CCDC85C: variants seen among roughly 807,000 people sequenced by gnomAD.
CCDC85C encodes coiled-coil domain-containing protein 85C.
Under a neutral mutation model 38.3 loss-of-function variants are expected in CCDC85C, and 18 were observed. The ratio of observed to expected loss-of-function variants is 0.47; its 90% CI spans 0.33 to 0.70. The LOEUF is 0.70. Ranked by LOEUF, CCDC85C falls within the 30% of genes least tolerant of loss-of-function variation. The pLI, the probability that CCDC85C is intolerant of heterozygous loss-of-function variation, is 0.03. For synonymous variants in CCDC85C, 264 were observed against 293.8 expected, an observed-to-expected ratio of 0.90 and a Z score of 1.04; for missense variants, 566 against 621.2, an observed-to-expected ratio of 0.91 and a Z score of 0.94.
At chr14:99,562,784 C>T (rs1302684241) in intron 1 of CCDC85C, among the ~76,000 whole-genome samples, 1 of 152,116 alleles carries the variant, frequency 6.6e-6, no homozygotes, top group African/African-American at 2.4e-5. Flanking sequence ...TATGCACATG[C>T]CCACATGTAC....
At chr14:99,540,796 C>T (rs866964949) in intron 1 of CCDC85C, among the ~76,000 whole-genome samples, 7 of 152,206 alleles carry the variant, frequency 4.6e-5, no homozygotes, top group African/African-American at 1.7e-4. Context: ...GGATCCCTTG[C>T]TCCCATGAGG....
At position 99,595,594 on chromosome 14, in the gene CCDC85C, GCCACCCCTCCTCTGA is replaced by G. The variant is rs1163065613; in HGVS notation, c.793+7558_793+7572del. On this transcript the variant is annotated intron_variant, in intron 1 of 5. Coordinates refer to ENST00000380243, the MANE Select transcript of CCDC85C (RefSeq NM_001144995.2). Reference sequence around the variant, plus strand: ...AAGGCCCATCTCAGTTCCCAATTCGGCCACCCCTCCTCTGAGCTCCCAGCACACCTGAAGAGGTTA... The same window carrying G: ...AAGGCCCATCTCAGTTCCCAATTCGGGCTCCCAGCACACCTGAAGAGGTTA... Among the ~76,000 whole-genome samples the G allele has an allele frequency of 2.6e-5, 4 of 152,216 alleles. No individual in the cohort carries two copies. In the East Asian group the frequency reaches 7.7e-4, roughly 29 times the overall value.
At position 99,510,689 on chromosome 14, in the gene CCDC85C, C is replaced by T. The variant is rs1319262302; in HGVS notation, c.*4557G>A. 3 of 1,424,962 alleles carry T rather than the reference C, an allele frequency of 2.1e-6. No homozygotes were observed. Among genetic ancestry groups the T allele is most frequent in the South Asian group, 1.5e-5 (1 of 65,346 alleles). The allele number at this position is 1,424,962 out of a possible 1,614,324, so 88.3% of individuals were successfully genotyped here. ...CAGCCAGCTACCCACCTCCTGCCGTCCCCCCTGGAGGACAGCCTCCTGTGC... is the reference window on the plus strand; with the variant it reads ...CAGCCAGCTACCCACCTCCTGCCGTTCCCCCTGGAGGACAGCCTCCTGTGC... On this transcript the variant is annotated 3_prime_UTR_variant, in exon 6 of 6. Coordinates refer to ENST00000380243, the MANE Select transcript of CCDC85C (RefSeq NM_001144995.2).
At chr14:99,568,246 C>CTTTTTTT (rs776784723) in intron 1 of CCDC85C, among the ~76,000 whole-genome samples, 3,581 of 113,756 alleles carry the variant, frequency 0.031, 733 homozygotes, top group African/African-American at 0.1. Context: ...GCCACCTGCC[C>CTTTTTTT]TTTATTTTTT....
intron 1 of CCDC85C, among the ~76,000 whole-genome samples, chr14:99,590,151 G>A (rs942943993): frequency 2.6e-5 from 4 of 152,188 alleles, no homozygotes; most frequent in African/African-American, 9.7e-5. Flanking sequence ...GAGCAGCCCT[G>A]GGCTGGGGAC....
At position 99,521,877 on chromosome 14, in the gene CCDC85C, G is replaced by A. The variant is rs538113019; in HGVS notation, c.975+256C>T. ...AAGGAGTGGCACAGGCTAATGAGCT[G>A]CTCAGAGGGACAGGGGCTAGGCACG... On this transcript the variant is annotated intron_variant, in intron 3 of 5. Transcript: ENST00000380243. Among the ~76,000 whole-genome samples, 65 of 152,356 alleles carry A rather than the reference G, an allele frequency of 4.3e-4. No homozygotes were observed. In the South Asian group the frequency reaches 0.011, roughly 25 times the overall value.
rs902879757 is a variant in CCDC85C at position 99,500,274 on chromosome 14, G to A, written c.*14972C>T. The A allele has an allele frequency of 6.5e-6, 1 of 154,334 alleles. No individual in the cohort carries two copies. The highest frequency in any genetic ancestry group is 1.4e-5 in the Non-Finnish European group (1 of 69,594). 9.6% of individuals were successfully genotyped at this position (154,334 alleles called of 1,614,324 possible). On this transcript the variant is annotated 3_prime_UTR_variant, in exon 6 of 6. Transcript: ENST00000380243. ...CCCATTTGCACGTAATACACTATAT[G>A]TGTACATGAGTATATATACACACAC...
chr14:99,538,723 C>T (rs549944105), intron 1 of CCDC85C, among the ~76,000 whole-genome samples: 51 of 152,380 alleles, frequency 3.3e-4, no homozygotes, highest in Middle Eastern at 6.8e-3. Context: ...TCAGCACCTT[C>T]GCTGGGTGAC....
rs1364486964 is a variant in CCDC85C at position 99,516,010 on chromosome 14, G to C, written c.1170+178C>G. Among the ~76,000 whole-genome samples, 1 of 152,148 alleles carries C rather than the reference G, an allele frequency of 6.6e-6. No individual in the cohort carries two copies. Among genetic ancestry groups the C allele is most frequent in the African/African-American group, 2.4e-5 (1 of 41,432 alleles). On this transcript the variant is annotated intron_variant, in intron 5 of 5. Transcript: ENST00000380243. The surrounding 1 kb of genome is among the most constrained non-coding windows in gnomAD (Gnocchi z 5.5). ...TGGGAAGGGCAGGGGGCAGCGAGAT[G>C]ACAACGGGCCAGGGCTCCTAGCACC...
intron 1 of CCDC85C, among the ~76,000 whole-genome samples, chr14:99,547,778 A>C (rs1214218539): frequency 6.8e-6 from 1 of 146,812 alleles, no homozygotes; most frequent in Non-Finnish European, 1.5e-5. Context: ...TGTCCCAAAG[A>C]AAAAAAAAAA....
At chr14:99,524,279 A>G (rs1247553582) in intron 2 of CCDC85C, among the ~76,000 whole-genome samples, 2 of 152,058 alleles carry the variant, frequency 1.3e-5, no homozygotes, top group East Asian at 1.9e-4. Context: ...GGATTGGAAC[A>G]GCTGCCCTCC....
chr14:99,563,068 A>T (rs900628514), intron 1 of CCDC85C, among the ~76,000 whole-genome samples: 1 of 152,238 alleles, frequency 6.6e-6, no homozygotes, highest in Non-Finnish European at 1.5e-5. Context: ...CGGCCTTTGC[A>T]TCTTAGCAGA....
intron 1 of CCDC85C, among the ~76,000 whole-genome samples, chr14:99,568,460 C>A (rs1233174002): frequency 2.6e-5 from 4 of 152,052 alleles, no homozygotes; most frequent in Non-Finnish European, 5.9e-5. Flanking sequence ...CAGCTCAGGG[C>A]ATATCCCGCC....
In CCDC85C at chr14:99,501,274, G is replaced by T; in HGVS notation, c.*13972C>A. The T allele has an allele frequency of 2.6e-5, 23 of 886,534 alleles. No individual in the cohort carries two copies. 54.9% of individuals were successfully genotyped at this position (886,534 alleles called of 1,614,324 possible). On this transcript the variant is annotated 3_prime_UTR_variant, in exon 6 of 6. Transcript: ENST00000380243. Reference sequence around the variant, plus strand: ...TGTGTATTTGAGTGGTGCTGAACACGTGGTAGGTTTTTAATAAATACTTGA... The same window carrying T: ...TGTGTATTTGAGTGGTGCTGAACACTTGGTAGGTTTTTAATAAATACTTGA...
At chr14:99,553,513 T>C (rs558439722) in intron 1 of CCDC85C, among the ~76,000 whole-genome samples, 34 of 152,154 alleles carry the variant, frequency 2.2e-4, no homozygotes, top group South Asian at 4.1e-4. Flanking sequence ...TACAGGCACG[T>C]GCCACCACGC....
chr14:99,593,199 G>T (rs113535739), intron 1 of CCDC85C, among the ~76,000 whole-genome samples: 1 of 152,218 alleles, frequency 6.6e-6, no homozygotes, highest in Non-Finnish European at 1.5e-5. Flanking sequence ...GGAGCACCGC[G>T]CTCAAAGGAG....
In CCDC85C at chr14:99,508,089, A is replaced by G. The variant is rs996429495; in HGVS notation, c.*7157T>C. 6.6e-6 allele frequency: 1 copy of G among 152,220 alleles called. No homozygotes were observed. The highest frequency in any genetic ancestry group is 1.5e-5 in the Non-Finnish European group (1 of 68,044). The allele number at this position is 152,220 out of a possible 1,614,324, so 9.4% of individuals were successfully genotyped here. ...CTGTTGGTCGGTGCACGTGGCTCACACTGGGGCTGACAGCACTGTGTGCCC... is the reference window on the plus strand; with the variant it reads ...CTGTTGGTCGGTGCACGTGGCTCACGCTGGGGCTGACAGCACTGTGTGCCC... On this transcript the variant is annotated 3_prime_UTR_variant, in exon 6 of 6. Coordinates refer to ENST00000380243, the MANE Select transcript of CCDC85C (RefSeq NM_001144995.2).
rs1897798357 is a variant in CCDC85C, at chr14:99,545,970, T to C, written c.794-9882A>G. On this transcript the variant is annotated intron_variant, in intron 1 of 5. Transcript: ENST00000380243. This position sits in a 1 kb window ranked among gnomAD's most constrained non-coding sequence, Gnocchi z 4.7. Reference sequence around the variant, plus strand: ...CCCTTTACCCTCCTGCCCCTGACTATTAATTAGTGGAGCTGAACTCTGAAG... The same window carrying C: ...CCCTTTACCCTCCTGCCCCTGACTACTAATTAGTGGAGCTGAACTCTGAAG... Among the ~76,000 whole-genome samples, 3 of 151,800 alleles carry C rather than the reference T, an allele frequency of 2.0e-5. No individual in the cohort carries two copies. The highest frequency in any genetic ancestry group is 2.9e-5 in the Non-Finnish European group (2 of 67,946).
intron 1 of CCDC85C, among the ~76,000 whole-genome samples, chr14:99,539,149 C>T (rs2139922786): frequency 6.6e-6 from 1 of 152,266 alleles, no homozygotes; most frequent in African/African-American, 2.4e-5. Flanking sequence ...TTAGACCATC[C>T]AGTAATTCCA....
Sources: allele counts gnomAD v4.1 joint callset (sites outside exome capture counted in the v4.1 genomes callset), GRCh38; gene constraint gnomAD v4.1.1; non-coding constraint Gnocchi (gnomAD v3.1); transcripts MANE v1.5; gene names NCBI Gene and HGNC (gene_info 2026-07-23, HGNC 2026-07-21).